NCOA2: variants seen among roughly 807,000 people sequenced by gnomAD.
NCOA2 encodes nuclear receptor coactivator 2.
A neutral mutation model predicts 145.1 loss-of-function variants in NCOA2; 21 were observed. The observed-to-expected ratio is 0.14, with a 90% CI of 0.10 to 0.21. The LOEUF (loss-of-function observed/expected upper bound fraction) is 0.21, where lower values mean the gene tolerates loss of function less well. NCOA2 is among the 10% of genes least tolerant of loss of function. The probability of loss-of-function intolerance (pLI) is 1.00; values close to 1 mark genes in which losing one functional copy is unlikely to be tolerated. For missense variants in NCOA2, 1,472 were observed against 1,837.6 expected (o/e 0.80, Z 3.64); for synonymous variants, 619 against 637.5 (o/e 0.97, Z 0.44).
chr8:70,205,333 G>C (rs1268743777), intron 4 of NCOA2, among the ~76,000 whole-genome samples: 1 of 152,140 alleles, frequency 6.6e-6, no homozygotes, highest in Admixed American at 6.6e-5. Flanking sequence ...ACACCAAAGT[G>C]AAAAAGCACA....
chr8:70,407,198 T>C (rs1229723673), upstream of NCOA2, among the ~76,000 whole-genome samples: 1 of 152,232 alleles, frequency 6.6e-6, no homozygotes, highest in Admixed American at 6.5e-5. Context: ...CATTTGTTTG[T>C]CAATTTGATT....
intron 4 of NCOA2, among the ~76,000 whole-genome samples, chr8:70,200,609 A>G (rs775459442): frequency 8.5e-5 from 13 of 152,214 alleles, no homozygotes; most frequent in Non-Finnish European, 1.9e-4. Context: ...TGAAGGAACA[A>G]TAATTGCTAC....
chr8:70,290,876 T>C (rs1466356403), intron 2 of NCOA2, among the ~76,000 whole-genome samples: 1 of 152,034 alleles, frequency 6.6e-6, no homozygotes, highest in African/African-American at 2.4e-5. Flanking sequence ...ATTTTATCTT[T>C]AAGGGGATTC....
chr8:70,391,927 T>C (rs1161160673), intron 1 of NCOA2, among the ~76,000 whole-genome samples: 1 of 152,242 alleles, frequency 6.6e-6, no homozygotes, highest in Non-Finnish European at 1.5e-5. Flanking sequence ...AATGCCTTGA[T>C]TTTAAGACAA....
At chr8:70,435,944 G>A in the NCOA2 span, among the ~76,000 whole-genome samples, 1 of 152,134 alleles carries the variant, frequency 6.6e-6, no homozygotes. Context: ...GACTACAGGT[G>A]CGTGCCACGA....
chr8:70,124,749 G>A lies in NCOA2; in HGVS notation c.4033C>T (p.Pro1345Ser). 6.2e-7 allele frequency: 1 copy of A among 1,613,662 alleles called. No individual in the cohort carries two copies. Among genetic ancestry groups the A allele is most frequent in the Non-Finnish European group, 8.5e-7 (1 of 1,179,782 alleles). Residue 1345 changes from proline to serine, a missense_variant, in exon 20 of 23, where the codon CCA becomes TCA. Pro to Ser is a moderately conservative substitution (Grantham distance 74). Transcript: ENST00000452400. ...SPMMQQSQAN[P>S]AYQAPSDING... is the part of the protein sequence containing the mutation. Reference sequence around the variant, plus strand: ...ATGTCGGAGGGGGCCTGATAGGCTGGGTTGGCCTGAGACTGTTGCATCATG... The same window carrying A: ...ATGTCGGAGGGGGCCTGATAGGCTGAGTTGGCCTGAGACTGTTGCATCATG...
intron 5 of NCOA2, among the ~76,000 whole-genome samples, chr8:70,173,311 T>G (rs1814453927): frequency 6.6e-6 from 1 of 152,190 alleles, no homozygotes; most frequent in Non-Finnish European, 1.5e-5. Flanking sequence ...GAGTTGCCAC[T>G]CTAATGTTCC....
intron 1 of NCOA2, among the ~76,000 whole-genome samples, chr8:70,371,238 G>A (rs1422062647): frequency 6.6e-6 from 1 of 152,004 alleles, no homozygotes; most frequent in Non-Finnish European, 1.5e-5. Flanking sequence ...GCAGTGAGCT[G>A]AGATTGCACC....
chr8:70,451,075 T>C, the NCOA2 span, among the ~76,000 whole-genome samples: 1 of 149,294 alleles, frequency 6.7e-6, no homozygotes, highest in African/African-American at 2.4e-5. Context: ...AATATTAGCC[T>C]GGCCTGGTGG....
chr8:70,442,310 AC>A, the NCOA2 span, among the ~76,000 whole-genome samples: 1 of 152,130 alleles, frequency 6.6e-6, no homozygotes, highest in Non-Finnish European at 1.5e-5. Context: ...ATAGAAGTAA[AC>A]TTTTAGGGCT....
At chr8:70,433,754 G>A in the NCOA2 span, among the ~76,000 whole-genome samples, 1,396 of 152,286 alleles carry the variant, frequency 9.2e-3, 5 homozygotes, top group Non-Finnish European at 0.014. Flanking sequence ...CGCTGAATGT[G>A]ACCGGTGACA....
In NCOA2 at chr8:70,309,735, G is replaced by A. The variant is rs555030668; in HGVS notation, c.-76-12935C>T. ...GGAGGTCGACATGGGAGGATTGCTT[G>A]AACCTAGGAGTTCCAGACCAGCATG... On this transcript the variant is annotated intron_variant, in intron 1 of 22. Coordinates refer to ENST00000452400, the MANE Select transcript of NCOA2 (RefSeq NM_006540.4). 1.4e-4 allele frequency among the ~76,000 whole-genome samples: 21 copies of A among 152,108 alleles called. No individual in the cohort carries two copies. In the East Asian group the frequency reaches 2.7e-3, roughly 20 times the overall value.
chr8:70,222,992 G>A (rs142723592), intron 2 of NCOA2, among the ~76,000 whole-genome samples: 186 of 152,294 alleles, frequency 1.2e-3, no homozygotes, highest in African/African-American at 4.0e-3. Flanking sequence ...ATCGACGTCA[G>A]CTGGTGCGAA....
intron 11 of NCOA2, 52 bp downstream of exon 11, chr8:70,155,919 T>C (rs1264653987): frequency 7.0e-7 from 1 of 1,427,510 alleles, no homozygotes; most frequent in African/African-American, 1.4e-5. Context: ...ATGGAGAAAA[T>C]CCTTGATGGA....
At chr8:70,354,158 T>C (rs1228161754) in intron 1 of NCOA2, among the ~76,000 whole-genome samples, 1 of 152,160 alleles carries the variant, frequency 6.6e-6, no homozygotes, top group Non-Finnish European at 1.5e-5. Context: ...AATATGAAAA[T>C]GTATGTCATT....
intron 2 of NCOA2, among the ~76,000 whole-genome samples, chr8:70,252,817 G>A (rs1206114200): frequency 6.6e-6 from 1 of 152,224 alleles, no homozygotes; most frequent in African/African-American, 2.4e-5. Context: ...TCTTTGTAGA[G>A]ATGTTATATT....
the NCOA2 span, chr8:70,424,639 G>A: frequency 1.7e-5 from 6 of 358,478 alleles, no homozygotes; most frequent in East Asian, 3.7e-4. Flanking sequence ...TCTGCAAAAA[G>A]CCAGATCGTG....
chr8:70,348,918 C>G (rs141543883), intron 1 of NCOA2, among the ~76,000 whole-genome samples: 4 of 146,406 alleles, frequency 2.7e-5, no homozygotes, highest in African/African-American at 1.0e-4. Context: ...TAAGAGAAGG[C>G]AAAAGCTTGG....
At chr8:70,215,743 CT>C (rs1293945634) in intron 3 of NCOA2, among the ~76,000 whole-genome samples, 2 of 152,112 alleles carry the variant, frequency 1.3e-5, no homozygotes, top group African/African-American at 4.8e-5. Flanking sequence ...CTCTCTTCTA[CT>C]TTTGGTAACT....
Sources: gnomAD v4.1 joint callset for allele counts (sites outside exome capture counted in the v4.1 genomes callset) on GRCh38, gnomAD v4.1.1 for gene constraint, MANE v1.5 for transcripts, NCBI Gene and HGNC (gene_info 2026-07-23, HGNC 2026-07-21) for gene names.